The following CNOT6L variants were observed in gnomAD, a reference collection of about 807,000 sequenced individuals.
CNOT6L encodes CCR4-NOT transcription complex subunit 6-like.
A neutral mutation model predicts 64.0 loss-of-function variants in CNOT6L; 7 were observed. The ratio of observed to expected loss-of-function variants is 0.11; its 90% CI spans 0.06 to 0.21. CNOT6L has a LOEUF of 0.21. Among genes scored for constraint, CNOT6L ranks in the 10% least tolerant of loss-of-function variants. The pLI, the probability that CNOT6L is intolerant of heterozygous loss-of-function variation, is 1.00. For missense variants in CNOT6L, 245 were observed against 669.0 expected (o/e 0.37, Z 6.99); for synonymous variants, 193 against 243.4 (o/e 0.79, Z 1.93).
intron 1 of CNOT6L, among the ~76,000 whole-genome samples, chr4:77,814,954 T>A (rs1007951516): frequency 7.9e-5 from 12 of 152,178 alleles, no homozygotes; most frequent in Admixed American, 3.3e-4. Context: ...GAGCACAAAT[T>A]AATAATTAAG....
intron 4 of CNOT6L, among the ~76,000 whole-genome samples, chr4:77,761,406 A>C (rs1200858706): frequency 6.6e-6 from 1 of 152,232 alleles, no homozygotes; most frequent in Non-Finnish European, 1.5e-5. Flanking sequence ...GTAGAAGTTA[A>C]AAATGTTTCC....
rs1199157846 is a variant in CNOT6L at position 77,742,356 on chromosome 4, A to G, written c.718-61T>C. 5.6e-6 allele frequency: 8 copies of G among 1,436,358 alleles called. No individual in the cohort carries two copies. In the Admixed American group the frequency reaches 1.6e-4, roughly 28 times the overall value. 89.0% of individuals were successfully genotyped at this position (1,436,358 alleles called of 1,614,324 possible). On this transcript the variant is annotated intron_variant, in intron 7 of 11. Coordinates refer to ENST00000504123, the MANE Select transcript of CNOT6L (RefSeq NM_144571.3). ...AGGGAAAATGCTGATTAAGATATAA[A>G]AATGTTCAGCATTATGAGTAAGATG... is the stretch of plus-strand genomic sequence containing the variant.
chr4:77,774,754 AG>A (rs756274449), intron 2 of CNOT6L, 38 bp from the exon 3 acceptor site: 39 of 1,393,222 alleles, frequency 2.8e-5, no homozygotes, highest in African/African-American at 2.5e-4. Flanking sequence ...AAAAAACCCC[AG>A]GCCCAAGATG....
intron 1 of CNOT6L, among the ~76,000 whole-genome samples, chr4:77,779,071 A>C (rs1341868312): frequency 1.9e-5 from 2 of 106,926 alleles, no homozygotes; most frequent in Non-Finnish European, 4.2e-5. Context: ...AACAAAAAAA[A>C]AACACAAAAA....
At chr4:77,732,013 C>T (rs191362561) in intron 8 of CNOT6L, 1 of 152,662 alleles carries the variant, frequency 6.6e-6, no homozygotes, top group Admixed American at 6.5e-5. Context: ...AAAAAGAATA[C>T]AATCCACCTA....
At chr4:77,733,105 A>G (rs1180855140) in intron 8 of CNOT6L, among the ~76,000 whole-genome samples, 1 of 152,134 alleles carries the variant, frequency 6.6e-6, no homozygotes, top group African/African-American at 2.4e-5. Flanking sequence ...TACCTTTTAC[A>G]GTTTCTGGTG....
At chr4:77,784,457 C>T (rs1263201665) in intron 1 of CNOT6L, among the ~76,000 whole-genome samples, 1 of 151,860 alleles carries the variant, frequency 6.6e-6, no homozygotes, top group East Asian at 1.9e-4. Context: ...TAATGCCTTG[C>T]ATTTAATGCC....
chr4:77,799,704 C>CAAA lies in CNOT6L; in HGVS notation c.5+19597_5+19599dup, dbSNP rs71214370. On this transcript the variant is annotated intron_variant, in intron 1 of 11. Coordinates refer to ENST00000504123, the MANE Select transcript of CNOT6L (RefSeq NM_144571.3). ...AGGTGAGGGGAGTGAAACTCCATCT[C>CAAA]AAAAAAAAAAAAAAAAAAAGGAACA... Among the ~76,000 whole-genome samples, 91 of 90,778 alleles carry CAAA rather than the reference C, an allele frequency of 1.0e-3. 1 individual carries two copies. Among genetic ancestry groups the CAAA allele is most frequent in the East Asian group, 3.5e-3 (9 of 2,538 alleles). The allele number at this position is 90,778 out of a possible 152,430, so 59.6% of individuals were successfully genotyped here.
At chr4:77,743,468 C>CT (rs1294912243) in intron 7 of CNOT6L, among the ~76,000 whole-genome samples, 1 of 150,946 alleles carries the variant, frequency 6.6e-6, no homozygotes, top group Non-Finnish European at 1.5e-5. Flanking sequence ...AAGATTTTTA[C>CT]TTTTTTCCCA....
At chr4:77,813,157 T>C (rs1645978098) in intron 1 of CNOT6L, among the ~76,000 whole-genome samples, 2 of 152,182 alleles carry the variant, frequency 1.3e-5, no homozygotes, top group South Asian at 2.1e-4. Flanking sequence ...CAAAGAGATA[T>C]TAGACTTCTA....
In CNOT6L at chr4:77,754,976, A is replaced by T. The variant is rs1433687860; in HGVS notation, c.490+1886T>A. 2.0e-5 allele frequency among the ~76,000 whole-genome samples: 3 copies of T among 150,690 alleles called. No individual in the cohort carries two copies. In the East Asian group the frequency reaches 5.8e-4, roughly 29 times the overall value. On this transcript the variant is annotated intron_variant, in intron 5 of 11. Coordinates refer to ENST00000504123, the MANE Select transcript of CNOT6L (RefSeq NM_144571.3). ...GATCTTGTGGTATCAAAAAATTCTT[A>T]AAAAGGATAAAAGCGGTACCATAAC...
rs1469454214 is a variant in CNOT6L, at chr4:77,717,725, A to AGAT, written c.*2703_*2705dup. 1 of 152,548 alleles carries AGAT rather than the reference A, an allele frequency of 6.6e-6. No homozygotes were observed. Among genetic ancestry groups the AGAT allele is most frequent in the Non-Finnish European group, 1.5e-5 (1 of 68,010 alleles). The allele number at this position is 152,548 out of a possible 1,614,324, so 9.4% of individuals were successfully genotyped here. A position where few individuals can be genotyped will look rare whatever the true frequency, so the allele number is the denominator to read the frequency against. On this transcript the variant is annotated 3_prime_UTR_variant, in exon 12 of 12. Coordinates refer to ENST00000504123, the MANE Select transcript of CNOT6L (RefSeq NM_144571.3). ...ATCATCTGAATTGGCAGCTCAAAAC[A>AGAT]GATACCACTCCTTTTACAAAGGGAA...
intron 4 of CNOT6L, among the ~76,000 whole-genome samples, chr4:77,760,653 C>T (rs1432878187): frequency 6.6e-6 from 1 of 150,418 alleles, no homozygotes; most frequent in Admixed American, 6.6e-5. Context: ...TCTCTTTGAC[C>T]AGAACGAAAA....
chr4:77,798,921 G>C (rs1288797222), intron 1 of CNOT6L, among the ~76,000 whole-genome samples: 1 of 151,996 alleles, frequency 6.6e-6, no homozygotes, highest in African/African-American at 2.4e-5. Flanking sequence ...CAAGGCTAGA[G>C]TGTGCCATGA....
rs544681236 is a variant in CNOT6L, at chr4:77,819,356, G to A, written c.-48C>T. ...AACAGCAGCCATTTCCCCGCGGCAG[G>A]GGAAACACACACACAAACACGCGCG... On this transcript the variant is annotated 5_prime_UTR_variant, in exon 1 of 12. Coordinates refer to ENST00000504123, the MANE Select transcript of CNOT6L (RefSeq NM_144571.3). 4 of 1,612,570 alleles carry A rather than the reference G, an allele frequency of 2.5e-6. No individual in the cohort carries two copies. The highest frequency in any genetic ancestry group is 3.4e-6 in the Non-Finnish European group (4 of 1,179,308).
chr4:77,808,224 G>A (rs532116009), intron 1 of CNOT6L, among the ~76,000 whole-genome samples: 2 of 152,278 alleles, frequency 1.3e-5, no homozygotes, highest in Admixed American at 1.3e-4. Context: ...CACTTTGGGA[G>A]GCTGAGGCAG....
chr4:77,759,764 A>G (rs981235563), intron 4 of CNOT6L, among the ~76,000 whole-genome samples: 20 of 152,158 alleles, frequency 1.3e-4, no homozygotes, highest in African/African-American at 4.3e-4. Context: ...CACACAAAAA[A>G]TTAGTAAGGT....
At chr4:77,760,860 C>CTGTTTTTTT (rs1726134321) in intron 4 of CNOT6L, among the ~76,000 whole-genome samples, 1 of 29,978 alleles carries the variant, frequency 3.3e-5, no homozygotes, top group Non-Finnish European at 5.7e-5. Flanking sequence ...CCATGCCTGG[C>CTGTTTTTTT]TTTTTTTTTT....
Position 77,728,919 on chromosome 4 carries a change from G to A in CNOT6L, c.1187C>T (p.Pro396Leu). The A allele has an allele frequency of 6.2e-7, 1 of 1,613,778 alleles. No individual in the cohort carries two copies. Among genetic ancestry groups the A allele is most frequent in the Non-Finnish European group, 8.5e-7 (1 of 1,179,742 alleles). Residue 396 changes from proline (P) to leucine (L), a missense_variant, in exon 10 of 12, where the codon CCA becomes CTA. Coordinates refer to ENST00000504123, the MANE Select transcript of CNOT6L (RefSeq NM_144571.3). The part of the protein sequence containing the change: ...LEKASSRPGS[P>L]TADPNSIPLV... ...CGGGATGGAATTAGGATCTGCAGTT[G>A]GGCTTCCAGGCCTACTAGAGGCTTT...
Sources: allele counts gnomAD v4.1 joint callset (sites outside exome capture counted in the v4.1 genomes callset), GRCh38; gene constraint gnomAD v4.1.1; transcripts MANE v1.5; gene names NCBI Gene and HGNC (gene_info 2026-07-23, HGNC 2026-07-21).